TMEM207: variants seen among roughly 807,000 people sequenced by gnomAD.
TMEM207 encodes the protein SRSR846.
In TMEM207, 15 loss-of-function variants were observed where a neutral mutation model predicts 17.4. That is an observed-to-expected ratio of 0.86 (90% CI 0.58 to 1.33). TMEM207 has a LOEUF of 1.33. Ranked by LOEUF, TMEM207 falls within the 40% of genes most tolerant of loss-of-function variation. The pLI, the probability that TMEM207 is intolerant of heterozygous loss-of-function variation, is 0.00. For synonymous variants in TMEM207, 70 were observed against 65.6 expected (o/e 1.07, Z -0.33); for missense variants, 205 against 173.8 (o/e 1.18, Z -1.01).
At chr3:190,441,547 A>G (rs1719938830) in intron 2 of TMEM207, 65 bp from the exon 3 acceptor site, 2 of 1,343,482 alleles carry the variant, frequency 1.5e-6, no homozygotes, top group South Asian at 1.2e-5. Flanking sequence ...TCTTTCACCC[A>G]ATAAAATTGG....
At chr3:190,443,901 G>A (rs1041299450) in intron 2 of TMEM207, among the ~76,000 whole-genome samples, 2 of 152,076 alleles carry the variant, frequency 1.3e-5, no homozygotes, top group Non-Finnish European at 2.9e-5. Flanking sequence ...AAAGACATTT[G>A]GAATAAGAAT....
rs771372576 is a variant in TMEM207, at chr3:190,429,412, C to T, written c.*183G>A. The T allele has an allele frequency of 6.0e-6, 4 of 663,364 alleles. No homozygotes were observed. The highest frequency in any genetic ancestry group is 3.7e-5 in the African/African-American group (2 of 54,100). The allele number at this position is 663,364 out of a possible 1,614,324, so 41.1% of individuals were successfully genotyped here. ...GACACATCAAAAGCCTGCTACTTTA[C>T]TATTTAAACATCTCCATGACCAAAA... is the stretch of plus-strand genomic sequence containing the variant. On this transcript the variant is annotated 3_prime_UTR_variant, in exon 5 of 5. Transcript: ENST00000354905.
chr3:190,441,319 T>C (rs1719932450), intron 3 of TMEM207, 119 bp downstream of exon 3: 1 of 774,876 alleles, frequency 1.3e-6, no homozygotes, highest in African/African-American at 1.8e-5. Context: ...CTATATTCAT[T>C]TGCATGACCC....
intron 1 of TMEM207, 103 bp from the exon 2 acceptor site, chr3:190,447,930 GC>G (rs1720085756): frequency 1.8e-6 from 2 of 1,133,836 alleles, no homozygotes; most frequent in South Asian, 3.4e-5. Flanking sequence ...CATTTCGTTT[GC>G]TTTTTTAATT....
intron 3 of TMEM207, among the ~76,000 whole-genome samples, 156 bp downstream of exon 3, chr3:190,441,282 T>C (rs899195924): frequency 2.0e-4 from 31 of 152,204 alleles, no homozygotes; most frequent in African/African-American, 7.2e-4. Flanking sequence ...TAAGTAAACA[T>C]TGGCCAACGA....
At chr3:190,433,680 C>T (rs1719739669) in intron 4 of TMEM207, among the ~76,000 whole-genome samples, 1 of 152,148 alleles carries the variant, frequency 6.6e-6, no homozygotes, top group Admixed American at 6.5e-5. Context: ...TTTCACTTCC[C>T]ATTTCCACAT....
intron 1 of TMEM207, among the ~76,000 whole-genome samples, chr3:190,448,250 G>A (rs1383730154): frequency 6.6e-6 from 1 of 152,018 alleles, no homozygotes; most frequent in East Asian, 1.9e-4. Context: ...CATGGAAACA[G>A]AAGTCAAGCC....
rs1204326236 is a variant in TMEM207, at chr3:190,440,237, AACTC to A, written c.304+3_304+6del. 6.2e-7 allele frequency: 1 copy of A among 1,611,314 alleles called. No individual in the cohort carries two copies. The highest frequency in any genetic ancestry group is 8.5e-7 in the Non-Finnish European group (1 of 1,179,304). On this transcript the variant is annotated splice_donor_5th_base_variant and intron_variant, in intron 4 of 4. Coordinates refer to ENST00000354905, the MANE Select transcript of TMEM207 (RefSeq NM_207316.3). ...AAAAAGAGTCCAGAAGCGTGCAGAC[AACTC>A]ACCATAAATAGAGTCCAAGTCTCCA... is the stretch of plus-strand genomic sequence containing the variant.
intron 2 of TMEM207, among the ~76,000 whole-genome samples, chr3:190,445,418 G>T (rs1174510233): frequency 6.6e-6 from 1 of 152,182 alleles, no homozygotes; most frequent in African/African-American, 2.4e-5. Context: ...GCACAGCAAA[G>T]CTTTGTTCAT....
At chr3:190,442,213 G>A (rs1719950918) in intron 2 of TMEM207, among the ~76,000 whole-genome samples, 1 of 152,216 alleles carries the variant, frequency 6.6e-6, no homozygotes, top group Admixed American at 6.5e-5. Flanking sequence ...CTAAATGTAT[G>A]TGGGCTGATG....
At chr3:190,437,297 C>A (rs544859175) in intron 4 of TMEM207, among the ~76,000 whole-genome samples, 2 of 152,138 alleles carry the variant, frequency 1.3e-5, no homozygotes, top group East Asian at 3.9e-4. Context: ...GAGTGACCAG[C>A]CCATATTTTC....
chr3:190,437,054 G>A (rs566026627), intron 4 of TMEM207, among the ~76,000 whole-genome samples: 1 of 152,276 alleles, frequency 6.6e-6, no homozygotes, highest in Admixed American at 6.5e-5. Flanking sequence ...GTAACTAATG[G>A]GAATCAATAG....
chr3:190,442,640 G>A (rs146019474), intron 2 of TMEM207, among the ~76,000 whole-genome samples: 188 of 151,602 alleles, frequency 1.2e-3, no homozygotes, highest in African/African-American at 4.4e-3. Context: ...TCTTTTGAGC[G>A]CCCAGAGTGT....
At position 190,439,256 on chromosome 3, in the gene TMEM207, GA is replaced by G. The variant is rs751806168; in HGVS notation, c.304+987del. Among the ~76,000 whole-genome samples the G allele has an allele frequency of 2.1e-3, 292 of 139,998 alleles. 1 individual carries two copies. Among genetic ancestry groups the G allele is most frequent in the African/African-American group, 5.0e-3 (191 of 38,074 alleles). 91.8% of individuals were successfully genotyped at this position (139,998 alleles called of 152,430 possible). A position where few individuals can be genotyped will look rare whatever the true frequency, so the allele number is the denominator to read the frequency against. Reference sequence around the variant, plus strand: ...CTCTGTTAAGTAATAACCTTTGAAGGAAAAAAAAAAAGCTGGAGGTCAATAT... The same window carrying G: ...CTCTGTTAAGTAATAACCTTTGAAGGAAAAAAAAAAGCTGGAGGTCAATAT... On this transcript the variant is annotated intron_variant, in intron 4 of 4. Coordinates refer to ENST00000354905, the MANE Select transcript of TMEM207 (RefSeq NM_207316.3).
chr3:190,434,566 A>T lies in TMEM207; in HGVS notation c.305-4835T>A, dbSNP rs148457105. Among the ~76,000 whole-genome samples, 59 of 152,324 alleles carry T rather than the reference A, an allele frequency of 3.9e-4. No individual in the cohort carries two copies. In the East Asian group the frequency reaches 8.5e-3, roughly 22 times the overall value. ...ATCGCTCAGTTTCAGTTATGTCTTT[A>T]TCAGCAGCTTGAAAATGGACTAATA... On this transcript the variant is annotated intron_variant, in intron 4 of 4. Coordinates refer to ENST00000354905, the MANE Select transcript of TMEM207 (RefSeq NM_207316.3).
At chr3:190,446,852 G>C (rs1463931141) in intron 2 of TMEM207, among the ~76,000 whole-genome samples, 1 of 152,174 alleles carries the variant, frequency 6.6e-6, no homozygotes, top group African/African-American at 2.4e-5. Context: ...GGGCAGCCAG[G>C]AAATCCTGAG....
chr3:190,434,122 T>A (rs1719751942), intron 4 of TMEM207, among the ~76,000 whole-genome samples: 1 of 152,224 alleles, frequency 6.6e-6, no homozygotes, highest in East Asian at 1.9e-4. Flanking sequence ...TTTATAGTAA[T>A]GTGAGAATGG....
intron 4 of TMEM207, among the ~76,000 whole-genome samples, chr3:190,439,508 G>A (rs1039951566): frequency 2.6e-5 from 4 of 152,156 alleles, no homozygotes; most frequent in Non-Finnish European, 2.9e-5. Flanking sequence ...TCTCACAACA[G>A]TCCCTGCTTG....
chr3:190,447,725 C>A (rs1203056880), intron 2 of TMEM207, 65 bp downstream of exon 2: 3 of 1,549,460 alleles, frequency 1.9e-6, no homozygotes, highest in Non-Finnish European at 2.6e-6. Flanking sequence ...TGGCTTGAGC[C>A]TTTTTTATAC....
Sources: gnomAD v4.1 joint callset for allele counts (sites outside exome capture counted in the v4.1 genomes callset) on GRCh38, gnomAD v4.1.1 for gene constraint, MANE v1.5 for transcripts, NCBI Gene and HGNC (gene_info 2026-07-23, HGNC 2026-07-21) for gene names.